The following SEZ6L variants were observed in gnomAD, a reference collection of about 807,000 sequenced individuals.
The protein encoded by SEZ6L is seizure related 6 homolog like.
In SEZ6L, 37 loss-of-function variants were observed where a neutral mutation model predicts 106.2. The ratio of observed to expected loss-of-function variants is 0.35; its 90% CI spans 0.27 to 0.46. SEZ6L has a LOEUF of 0.46. Ranked by LOEUF, SEZ6L falls within the 20% of genes least tolerant of loss-of-function variation. The probability of loss-of-function intolerance (pLI) is 1.00; values close to 1 mark genes in which losing one functional copy is unlikely to be tolerated. For synonymous variants in SEZ6L, 541 were observed against 570.4 expected, an observed-to-expected ratio of 0.95 and a Z score of 0.73; for missense variants, 1,172 against 1,332.8, an observed-to-expected ratio of 0.88 and a Z score of 1.88.
intron 6 of SEZ6L, among the ~76,000 whole-genome samples, chr22:26,310,249 G>A (rs1486127232): frequency 6.6e-6 from 1 of 152,176 alleles, no homozygotes; most frequent in Non-Finnish European, 1.5e-5. Context: ...AAGAGGTAAA[G>A]TCAGGACTGG....
chr22:26,375,515 G>T, intron 14 of SEZ6L, 60 bp from the exon 15 acceptor site: 1 of 1,372,578 alleles, frequency 7.3e-7, no homozygotes, highest in Non-Finnish European at 1.0e-6. Context: ...CTGGGCAGTT[G>T]GGCACTCACT....
At chr22:26,343,653 T>C (rs1040618902) in intron 10 of SEZ6L, among the ~76,000 whole-genome samples, 6 of 152,168 alleles carry the variant, frequency 3.9e-5, no homozygotes, top group Non-Finnish European at 7.3e-5. Context: ...TTAGTGGAAA[T>C]GCGAAAGGCA....
intron 4 of SEZ6L, among the ~76,000 whole-genome samples, chr22:26,298,646 T>C (rs1441584855): frequency 6.6e-6 from 1 of 152,188 alleles, no homozygotes; most frequent in Non-Finnish European, 1.5e-5. Context: ...CTAAACTTCC[T>C]GGGTGGTCTT....
At chr22:26,354,389 C>T (rs1303988777) in intron 12 of SEZ6L, among the ~76,000 whole-genome samples, 7 of 151,470 alleles carry the variant, frequency 4.6e-5, no homozygotes, top group Admixed American at 3.3e-4. Flanking sequence ...GAAGGAAGGA[C>T]CCCCCCCAAC....
intron 12 of SEZ6L, 108 bp downstream of exon 12, chr22:26,351,351 G>A (rs963880313): frequency 1.7e-5 from 16 of 922,520 alleles, no homozygotes; most frequent in Non-Finnish European, 2.3e-5. Flanking sequence ...TTTTCGACAG[G>A]GGCTTTTATT....
intron 1 of SEZ6L, among the ~76,000 whole-genome samples, chr22:26,224,820 A>G (rs2078589284): frequency 6.6e-6 from 1 of 152,232 alleles, no homozygotes; most frequent in African/African-American, 2.4e-5. Flanking sequence ...AACCTCCATC[A>G]GTCAGCTATT....
chr22:26,312,289 C>T (rs753632590), intron 8 of SEZ6L, among the ~76,000 whole-genome samples: 2 of 152,220 alleles, frequency 1.3e-5, no homozygotes, highest in African/African-American at 2.4e-5. Flanking sequence ...CACGCAATAA[C>T]CTCATTAATA....
At chr22:26,323,993 A>T (rs1044764355) in intron 9 of SEZ6L, among the ~76,000 whole-genome samples, 2 of 151,788 alleles carry the variant, frequency 1.3e-5, no homozygotes, top group African/African-American at 4.8e-5. Flanking sequence ...TGCTTGCCCA[A>T]GGTCACACAA....
At chr22:26,198,864 A>G (rs1231807797) in intron 1 of SEZ6L, among the ~76,000 whole-genome samples, 7 of 152,186 alleles carry the variant, frequency 4.6e-5, no homozygotes, top group South Asian at 2.1e-4. Flanking sequence ...AAATCTTCAC[A>G]TTAGCTGGAG....
intron 5 of SEZ6L, 116 bp from the exon 6 acceptor site, chr22:26,305,863 A>G (rs533741527): frequency 8.9e-7 from 1 of 1,120,568 alleles, no homozygotes; most frequent in Admixed American, 2.2e-5. Context: ...GGTGGGGATC[A>G]GGGGAGAATG....
chr22:26,351,439 C>T (rs999842970), intron 12 of SEZ6L, 196 bp downstream of exon 12: 21 of 508,892 alleles, frequency 4.1e-5, no homozygotes, highest in Admixed American at 7.3e-5. Context: ...ATTTATCACG[C>T]GTTGCTCTAA....
At chr22:26,298,376 C>T (rs551783218) in intron 4 of SEZ6L, among the ~76,000 whole-genome samples, 21 of 152,118 alleles carry the variant, frequency 1.4e-4, no homozygotes, top group Non-Finnish European at 2.4e-4. Flanking sequence ...TTTTACTACC[C>T]CCATCTACTG....
chr22:26,220,602 C>T (rs2078435940), intron 1 of SEZ6L, among the ~76,000 whole-genome samples: 1 of 152,190 alleles, frequency 6.6e-6, no homozygotes, highest in Non-Finnish European at 1.5e-5. Context: ...ACAGGTGCTA[C>T]ACAGGCTTCT....
intron 1 of SEZ6L, among the ~76,000 whole-genome samples, chr22:26,214,823 G>A (rs757228599): frequency 7.2e-5 from 11 of 152,150 alleles, no homozygotes; most frequent in Non-Finnish European, 1.2e-4. Context: ...CAGAGTTTGC[G>A]GGGATGTTTC....
Position 26,294,387 on chromosome 22 carries a change from A to G in SEZ6L, c.931A>G (p.Asn311Asp). ...PLNNFLECTY[N>D]VTVYTGYGVE... Reference sequence around the variant, plus strand: ...CAACAACTTTCTGGAGTGCACATACAACGTGACAGTCTACACTGGCTATGG... The same window carrying G: ...CAACAACTTTCTGGAGTGCACATACGACGTGACAGTCTACACTGGCTATGG... Residue 311 changes from asparagine to aspartate, a missense_variant, in exon 3 of 17, where the codon AAC (asparagine) becomes GAC (aspartate). This residue lies in a region of SEZ6L where 494 missense variants were observed against 445.8 expected (regional missense o/e 1.11). Coordinates refer to ENST00000248933, the MANE Select transcript of SEZ6L (RefSeq NM_021115.5). The G allele has an allele frequency of 6.2e-7, 1 of 1,614,144 alleles. No homozygotes were observed. Among genetic ancestry groups the G allele is most frequent in the Non-Finnish European group, 8.5e-7 (1 of 1,180,020 alleles).
At chr22:26,348,646 A>AAGAAAGAAAGAAAGAAAG in intron 11 of SEZ6L, among the ~76,000 whole-genome samples, 1 of 7,694 alleles carries the variant, frequency 1.3e-4, no homozygotes, top group Admixed American at 2.3e-3. Context: ...GAAAGAAAGA[A>AAGAAAGAAAGAAAGAAAG]AAAGAAAGAA....
At position 26,201,382 on chromosome 22, in the gene SEZ6L, CA is replaced by C. The variant is rs71192905; in HGVS notation, c.94+31641del. Among the ~76,000 whole-genome samples the C allele has an allele frequency of 9.0e-3, 675 of 75,318 alleles. 2 individuals carry two copies. Among genetic ancestry groups the C allele is most frequent in the East Asian group, 0.015 (34 of 2,332 alleles). The allele number at this position is 75,318 out of a possible 152,430, so 49.4% of individuals were successfully genotyped here. A position where few individuals can be genotyped will look rare whatever the true frequency, so the allele number is the denominator to read the frequency against. On this transcript the variant is annotated intron_variant, in intron 1 of 16. Coordinates refer to ENST00000248933, the MANE Select transcript of SEZ6L (RefSeq NM_021115.5). ...CTAAAAATACAAAAATACAAAAATACAAAAAAAAAAAAAAAAAAAAAAGAGG... is the reference window on the plus strand; with the variant it reads ...CTAAAAATACAAAAATACAAAAATACAAAAAAAAAAAAAAAAAAAAAGAGG...
chr22:26,322,606 G>A (rs562504624), intron 9 of SEZ6L, among the ~76,000 whole-genome samples: 3 of 152,316 alleles, frequency 2.0e-5, no homozygotes, highest in Admixed American at 2.0e-4. Context: ...GTTAATGGGA[G>A]AAAAGTGTCG....
intron 1 of SEZ6L, among the ~76,000 whole-genome samples, chr22:26,260,602 A>G (rs761204183): frequency 1.5e-4 from 23 of 152,164 alleles, no homozygotes; most frequent in Non-Finnish European, 3.4e-4. Flanking sequence ...ATATATATAC[A>G]TATCACAATT....
Sources: allele counts gnomAD v4.1 joint callset (sites outside exome capture counted in the v4.1 genomes callset), GRCh38; gene constraint gnomAD v4.1.1; regional missense constraint gnomAD v4.1.1; transcripts MANE v1.5; gene names NCBI Gene and HGNC (gene_info 2026-07-23, HGNC 2026-07-21).